Variants in LRMDA observed in about 807,000 individuals in gnomAD.
The protein encoded by LRMDA is leucine-rich melanocyte differentiation-associated protein.
LRMDA carries 18 observed loss-of-function variants against 29.8 expected under a neutral mutation model. The ratio of observed to expected loss-of-function variants is 0.60; its 90% CI spans 0.42 to 0.90. The LOEUF is 0.90. Among genes scored for constraint, LRMDA ranks in the 40% least tolerant of loss-of-function variants. The probability of loss-of-function intolerance (pLI) is 0.00; values close to 1 mark genes in which losing one functional copy is unlikely to be tolerated. For synonymous variants in LRMDA, 125 were observed against 109.4 expected, an observed-to-expected ratio of 1.14 and a Z score of -0.89; for missense variants, 273 against 273.9, an observed-to-expected ratio of 1.00 and a Z score of 0.02.
chr10:76,312,180 G>A (rs567154116), intron 5 of LRMDA, among the ~76,000 whole-genome samples: 1 of 152,308 alleles, frequency 6.6e-6, no homozygotes, highest in East Asian at 1.9e-4. Context: ...CCTGTCATAA[G>A]GAAATCCAAG....
intron 5 of LRMDA, among the ~76,000 whole-genome samples, chr10:76,066,241 G>T (rs779708707): frequency 1.3e-4 from 20 of 152,274 alleles, no homozygotes; most frequent in Non-Finnish European, 2.6e-4. Context: ...GGATAGCAGG[G>T]CCAGTCTAGA....
At chr10:75,635,696 T>A (rs1283827679) in intron 2 of LRMDA, among the ~76,000 whole-genome samples, 1 of 152,142 alleles carries the variant, frequency 6.6e-6, no homozygotes. Flanking sequence ...TATTGACATT[T>A]AAAAGGATGC....
chr10:75,475,893 A>G (rs1844786772), intron 2 of LRMDA, among the ~76,000 whole-genome samples: 1 of 152,140 alleles, frequency 6.6e-6, no homozygotes, highest in Admixed American at 6.6e-5. Flanking sequence ...TCTCCTTCCG[A>G]AAGAAGGCGT....
chr10:76,355,334 C>G lies in LRMDA; in HGVS notation c.601+30849C>G, dbSNP rs376921717. Among the ~76,000 whole-genome samples the G allele has an allele frequency of 5.3e-5, 8 of 152,202 alleles. No homozygotes were observed. In the South Asian group the frequency reaches 8.3e-4, roughly 16 times the overall value. On this transcript the variant is annotated intron_variant, in intron 6 of 6. Transcript: ENST00000611255. ...GGGACAAAGACACAAATATCCTAAA[C>G]CCAGAACTCTCCGTTAAAGAAATTG...
At chr10:75,813,968 G>A (rs1260057164) in intron 2 of LRMDA, among the ~76,000 whole-genome samples, 2 of 152,170 alleles carry the variant, frequency 1.3e-5, no homozygotes, top group Admixed American at 6.5e-5. Flanking sequence ...CCCCATTCCA[G>A]CCAATAAATC....
intron 2 of LRMDA, among the ~76,000 whole-genome samples, chr10:75,697,310 G>T (rs1230893286): frequency 7.2e-6 from 1 of 138,852 alleles, no homozygotes; most frequent in South Asian, 2.3e-4. Flanking sequence ...ATTTCTACTG[G>T]TTTATTTTAC....
At chr10:75,549,150 T>C (rs1367285) in intron 2 of LRMDA, among the ~76,000 whole-genome samples, 113,723 of 152,022 alleles carry the variant, frequency 0.75, 42,616 homozygotes, top group East Asian at 0.85. Context: ...ATTACTAGCT[T>C]GTTTCTTTTT....
intron 2 of LRMDA, among the ~76,000 whole-genome samples, chr10:75,836,144 G>A (rs1589223494): frequency 6.6e-6 from 1 of 152,184 alleles, no homozygotes; most frequent in East Asian, 1.9e-4. Context: ...AGTTATGGCT[G>A]AGGAAGGATG....
At chr10:75,840,339 C>T (rs2132300216) in intron 2 of LRMDA, among the ~76,000 whole-genome samples, 1 of 152,246 alleles carries the variant, frequency 6.6e-6, no homozygotes, top group South Asian at 2.1e-4. Flanking sequence ...GCTTCCTTTC[C>T]AGGGTTGGTC....
rs150188206 is a variant in LRMDA at position 75,586,912 on chromosome 10, C to G, written c.131+148418C>G. On this transcript the variant is annotated intron_variant, in intron 2 of 6. Coordinates refer to ENST00000611255, the MANE Select transcript of LRMDA (RefSeq NM_001305581.2). ...GCATATGGTTTGCAAATATTTTCTCCCATTCTATAAGTTGCCTTTTTACTC... is the reference window on the plus strand; with the variant it reads ...GCATATGGTTTGCAAATATTTTCTCGCATTCTATAAGTTGCCTTTTTACTC... Among the ~76,000 whole-genome samples, 387 of 151,944 alleles carry G rather than the reference C, an allele frequency of 2.5e-3. 6 individuals are homozygous for G. In the South Asian group the frequency reaches 0.031, roughly 12 times the overall value.
At chr10:76,226,307 G>A (rs2132266216) in intron 5 of LRMDA, among the ~76,000 whole-genome samples, 1 of 152,214 alleles carries the variant, frequency 6.6e-6, no homozygotes, top group East Asian at 1.9e-4. Flanking sequence ...ATCAGGCCGG[G>A]CGTGGTGGCT....
At chr10:76,360,277 C>A (rs1486576651) in intron 6 of LRMDA, among the ~76,000 whole-genome samples, 1 of 152,136 alleles carries the variant, frequency 6.6e-6, no homozygotes, top group Non-Finnish European at 1.5e-5. Flanking sequence ...TGTGAGCCAC[C>A]ATGCCCAGCC....
At chr10:75,523,687 C>G (rs565955475) in intron 2 of LRMDA, among the ~76,000 whole-genome samples, 2 of 152,276 alleles carry the variant, frequency 1.3e-5, no homozygotes, top group South Asian at 4.2e-4. Flanking sequence ...TAACCTGAAA[C>G]TGTCCCAGAC....
chr10:76,230,305 C>T (rs1852034418), intron 5 of LRMDA, among the ~76,000 whole-genome samples: 1 of 152,060 alleles, frequency 6.6e-6, no homozygotes, highest in Non-Finnish European at 1.5e-5. Flanking sequence ...AATCAAATTA[C>T]AAATACAGCA....
At chr10:75,453,800 G>A (rs1219165336) in intron 2 of LRMDA, among the ~76,000 whole-genome samples, 1 of 152,198 alleles carries the variant, frequency 6.6e-6, no homozygotes, top group African/African-American at 2.4e-5. Flanking sequence ...CATGTCATAT[G>A]TAGGGGTACA....
chr10:75,799,960 C>A (rs1182441076), intron 2 of LRMDA, among the ~76,000 whole-genome samples: 1 of 152,010 alleles, frequency 6.6e-6, no homozygotes, highest in Non-Finnish European at 1.5e-5. Context: ...GACTGTAATT[C>A]TGTTATTTTG....
chr10:75,812,000 C>T (rs1490496784), intron 2 of LRMDA, among the ~76,000 whole-genome samples: 1 of 151,996 alleles, frequency 6.6e-6, no homozygotes, highest in African/African-American at 2.4e-5. Flanking sequence ...ATTTTCTTCC[C>T]TTTGCCCTTG....
chr10:75,728,836 A>G (rs1328302793), intron 2 of LRMDA, among the ~76,000 whole-genome samples: 1 of 151,526 alleles, frequency 6.6e-6, no homozygotes, highest in African/African-American at 2.4e-5. Flanking sequence ...TTTTGGGTAG[A>G]TGGATAAGTT....
intron 2 of LRMDA, among the ~76,000 whole-genome samples, chr10:76,007,007 T>TGTGTGTGTGTGTGC (rs1847677278): frequency 9.3e-6 from 1 of 106,970 alleles, no homozygotes; most frequent in Non-Finnish European, 2.0e-5. Context: ...TGTGTGTGTG[T>TGTGTGTGTGTGTGC]GTGTGTGTGT....
Sources: allele counts gnomAD v4.1 joint callset (sites outside exome capture counted in the v4.1 genomes callset), GRCh38; gene constraint gnomAD v4.1.1; transcripts MANE v1.5; gene names NCBI Gene and HGNC (gene_info 2026-07-23, HGNC 2026-07-21).